Variants in AKAP19 observed in about 807,000 individuals in gnomAD.
AKAP19 encodes the protein A-kinase anchoring protein 19, also known as small A-kinase anchoring protein.
chr2:189,994,958 A>G, the AKAP19 span, among the ~76,000 whole-genome samples: 2 of 152,120 alleles, frequency 1.3e-5, no homozygotes, highest in African/African-American at 2.4e-5. Context: ...TTTGGAGTTA[A>G]TTTCCAGTTT....
At chr2:190,002,222 A>G in the AKAP19 span, among the ~76,000 whole-genome samples, 1 of 152,244 alleles carries the variant, frequency 6.6e-6, no homozygotes, top group Non-Finnish European at 1.5e-5. Context: ...TTTCCAGAGT[A>G]CTGAAATGGT....
chr2:190,194,253 T>C, the AKAP19 span, among the ~76,000 whole-genome samples: 1 of 152,122 alleles, frequency 6.6e-6, no homozygotes, highest in Non-Finnish European at 1.5e-5. Flanking sequence ...TCAACTCAAG[T>C]TGGAGCATAA....
the AKAP19 span, among the ~76,000 whole-genome samples, chr2:190,083,175 T>C: frequency 6.6e-6 from 1 of 152,120 alleles, no homozygotes; most frequent in African/African-American, 2.4e-5. Context: ...GCTCAGGAGT[T>C]TGAGACAAGC....
chr2:190,060,434 A>T, the AKAP19 span: 9 of 1,607,768 alleles, frequency 5.6e-6, no homozygotes, highest in African/African-American at 9.4e-5. Flanking sequence ...TTAGAAAATC[A>T]GCTATAAATG....
chr2:189,917,923 A>G, the AKAP19 span, among the ~76,000 whole-genome samples: 3 of 151,962 alleles, frequency 2.0e-5, no homozygotes, highest in Non-Finnish European at 2.9e-5. Flanking sequence ...AAAATTTTTT[A>G]GAATTCCATT....
At chr2:190,063,857 T>C in the AKAP19 span, among the ~76,000 whole-genome samples, 1 of 152,094 alleles carries the variant, frequency 6.6e-6, no homozygotes, top group Non-Finnish European at 1.5e-5. Flanking sequence ...ACCTTAGCTT[T>C]GGGAGCCACA....
chr2:189,940,305 G>A, the AKAP19 span, among the ~76,000 whole-genome samples: 1 of 151,198 alleles, frequency 6.6e-6, no homozygotes, highest in Non-Finnish European at 1.5e-5. Flanking sequence ...AATTAGCCAG[G>A]CGTGGTGGCA....
chr2:190,147,775 TA>T, the AKAP19 span, among the ~76,000 whole-genome samples: 1 of 151,998 alleles, frequency 6.6e-6, no homozygotes, highest in Non-Finnish European at 1.5e-5. Context: ...GGAGCTATTG[TA>T]AAAGGGGTTG....
At chr2:190,001,923 G>A in the AKAP19 span, among the ~76,000 whole-genome samples, 1 of 152,136 alleles carries the variant, frequency 6.6e-6, no homozygotes, top group Non-Finnish European at 1.5e-5. Flanking sequence ...TCAAGCCATT[G>A]GCCCCCTTCC....
the AKAP19 span, among the ~76,000 whole-genome samples, chr2:190,111,133 C>T: frequency 9.2e-5 from 14 of 152,144 alleles, no homozygotes; most frequent in African/African-American, 3.4e-4. Context: ...AAAGCCCTGA[C>T]GCATACATGG....
chr2:190,101,735 C>T, the AKAP19 span, among the ~76,000 whole-genome samples: 326 of 151,840 alleles, frequency 2.1e-3, no homozygotes, highest in Non-Finnish European at 3.9e-3. Flanking sequence ...TACACAGCCA[C>T]ACAGTAATAG....
At chr2:190,181,278 C>A in the AKAP19 span, 1 of 405,894 alleles carries the variant, frequency 2.5e-6, no homozygotes, top group Non-Finnish European at 3.3e-6. Flanking sequence ...AGCCTCACAT[C>A]TCCGTCCCCT....
the AKAP19 span, among the ~76,000 whole-genome samples, chr2:190,016,496 C>T: frequency 2.0e-3 from 308 of 152,220 alleles, 3 homozygotes; most frequent in East Asian, 4.4e-3. Flanking sequence ...GTGGGGATTA[C>T]GGGGATTACA....
chr2:189,932,301 G>T, the AKAP19 span, among the ~76,000 whole-genome samples: 2 of 151,500 alleles, frequency 1.3e-5, no homozygotes, highest in African/African-American at 4.9e-5. Flanking sequence ...CCAGCTACTC[G>T]GGAGGCTGAG....
the AKAP19 span, among the ~76,000 whole-genome samples, chr2:189,945,796 G>A: frequency 6.6e-6 from 1 of 152,098 alleles, no homozygotes. Flanking sequence ...TTCATCAGGA[G>A]ACTATTTATT....
the AKAP19 span, among the ~76,000 whole-genome samples, chr2:190,139,070 A>T: frequency 6.6e-6 from 1 of 152,146 alleles, no homozygotes; most frequent in South Asian, 2.1e-4. Flanking sequence ...TCCTACTCTC[A>T]TGAAGCTTGT....
At chr2:189,891,841 C>G in the AKAP19 span, among the ~76,000 whole-genome samples, 2 of 152,096 alleles carry the variant, frequency 1.3e-5, no homozygotes, top group Admixed American at 6.5e-5. Flanking sequence ...CAACTTGGTT[C>G]TGTTCTGCCC....
At chr2:190,047,849 A>G in the AKAP19 span, among the ~76,000 whole-genome samples, 2 of 152,134 alleles carry the variant, frequency 1.3e-5, no homozygotes, top group Non-Finnish European at 2.9e-5. Flanking sequence ...GGGGGAAAGG[A>G]TGTGTAAATT....
the AKAP19 span, among the ~76,000 whole-genome samples, chr2:190,011,976 C>T: frequency 6.6e-6 from 1 of 151,850 alleles, no homozygotes; most frequent in Admixed American, 6.6e-5. Flanking sequence ...TTAAAACTCA[C>T]ATTGGAATTT....
Sources: gnomAD v4.1 joint callset for allele counts (sites outside exome capture counted in the v4.1 genomes callset) on GRCh38, gnomAD v4.1.1 for gene constraint, MANE v1.5 for transcripts, NCBI Gene and HGNC (gene_info 2026-07-23, HGNC 2026-07-21) for gene names.